The following C21orf91 variants were observed in gnomAD, a reference collection of about 807,000 sequenced individuals.
The protein encoded by C21orf91 is protein EURL homolog.
A neutral mutation model predicts 32.9 loss-of-function variants in C21orf91; 26 were observed. The observed-to-expected ratio is 0.79, with a 90% CI of 0.58 to 1.10. C21orf91 has a LOEUF of 1.10. Among genes scored for constraint, C21orf91 ranks in the 50% least tolerant of loss-of-function variants. The probability of loss-of-function intolerance (pLI) is 0.00; values close to 1 mark genes in which losing one functional copy is unlikely to be tolerated. For synonymous variants in C21orf91, 126 were observed against 120.4 expected, an observed-to-expected ratio of 1.05 and a Z score of -0.31; for missense variants, 310 against 341.3, an observed-to-expected ratio of 0.91 and a Z score of 0.72.
chr21:17,798,721 C>T (rs919179857), intron 2 of C21orf91, among the ~76,000 whole-genome samples: 4 of 152,146 alleles, frequency 2.6e-5, no homozygotes, highest in African/African-American at 9.7e-5. Flanking sequence ...ATAGAGTATA[C>T]ATCTTTAAAA....
At chr21:17,812,160 T>C (rs1270982266) in intron 2 of C21orf91, among the ~76,000 whole-genome samples, 1 of 152,158 alleles carries the variant, frequency 6.6e-6, no homozygotes, top group East Asian at 1.9e-4. Flanking sequence ...GTTTCAATGA[T>C]TTTTCTTTAA....
rs1014336344 is a variant in C21orf91 at position 17,791,682 on chromosome 21, G to C, written c.*1733C>G. 1 of 152,130 alleles carries C rather than the reference G, an allele frequency of 6.6e-6. No individual in the cohort carries two copies. 9.4% of individuals were successfully genotyped at this position (152,130 alleles called of 1,614,324 possible). On this transcript the variant is annotated 3_prime_UTR_variant, in exon 5 of 5. Transcript: ENST00000284881. ...ATCAGGAAATGTATTTACCCAGCTT[G>C]TAAGTTTGAATATTTTGATATTGCA...
chr21:17,813,754 C>T (rs1012852565), intron 2 of C21orf91: 4 of 152,200 alleles, frequency 2.6e-5, no homozygotes, highest in African/African-American at 9.6e-5. Flanking sequence ...ATGAGCATCT[C>T]CTTTGAGCAT....
At chr21:17,811,561 A>G (rs2062632460) in intron 2 of C21orf91, 2 of 152,164 alleles carry the variant, frequency 1.3e-5, no homozygotes, top group African/African-American at 2.4e-5. Context: ...TCGTTTCTGG[A>G]GAGGTGATGT....
In C21orf91 at chr21:17,817,028, A is replaced by C. The variant is rs78104899; in HGVS notation, c.127+1164T>G. On this transcript the variant is annotated intron_variant, in intron 2 of 4. Coordinates refer to ENST00000284881, the MANE Select transcript of C21orf91 (RefSeq NM_001100420.2). ...GAGATGGGGTCTTGCTATGTTGCCC[A>C]AACTGGACTTGAACTCCTAGGCTCA... Among the ~76,000 whole-genome samples, 378 of 152,290 alleles carry C rather than the reference A, an allele frequency of 2.5e-3. 10 individuals are homozygous for C. In the East Asian group the frequency reaches 0.068, roughly 27 times the overall value.
chr21:17,816,023 C>T (rs111463714), intron 2 of C21orf91, among the ~76,000 whole-genome samples: 3,825 of 152,162 alleles, frequency 0.025, 72 homozygotes, highest in Non-Finnish European at 0.036. Flanking sequence ...AATGAAAATG[C>T]GTATTTGTGA....
intron 2 of C21orf91, among the ~76,000 whole-genome samples, chr21:17,800,513 A>G (rs763135591): frequency 1.3e-5 from 2 of 152,204 alleles, no homozygotes; most frequent in South Asian, 4.1e-4. Flanking sequence ...AACCATTGCT[A>G]TTTCAAGAGA....
chr21:17,800,882 T>A (rs908626111), intron 2 of C21orf91, among the ~76,000 whole-genome samples: 1 of 152,160 alleles, frequency 6.6e-6, no homozygotes, highest in Non-Finnish European at 1.5e-5. Flanking sequence ...TATTTTTTTT[T>A]AAAGTATGGG....
Position 17,818,526 on chromosome 21 carries a change from C to T in C21orf91, c.-7-201G>A, listed in dbSNP as rs77135606. ...GACACAAAGCTAGTAAAACTTAAAG[C>T]CAGGCCATAGGTGACACTATGTCCG... On this transcript the variant is annotated intron_variant, in intron 1 of 4. Transcript: ENST00000284881. Among the ~76,000 whole-genome samples, 374 of 152,336 alleles carry T rather than the reference C, an allele frequency of 2.5e-3. 10 individuals are homozygous for T. The East Asian group carries it at 0.068, about 28-fold the overall frequency.
chr21:17,803,832 T>C (rs1425232980), intron 2 of C21orf91, among the ~76,000 whole-genome samples: 2 of 152,138 alleles, frequency 1.3e-5, no homozygotes, highest in East Asian at 1.9e-4. Context: ...GCCCTGTGGG[T>C]AGAAGTGGCA....
intron 2 of C21orf91, 120 bp downstream of exon 2, chr21:17,818,072 C>T (rs542461553): frequency 1.6e-6 from 1 of 628,716 alleles, no homozygotes; most frequent in Admixed American, 2.9e-5. Context: ...CAAATCTCTA[C>T]ACTATTCATA....
At chr21:17,803,824 C>T (rs1166176969) in intron 2 of C21orf91, among the ~76,000 whole-genome samples, 1 of 152,046 alleles carries the variant, frequency 6.6e-6, no homozygotes, top group Non-Finnish European at 1.5e-5. Flanking sequence ...AAGGAAAAGC[C>T]CTGTGGGTAG....
In C21orf91 at chr21:17,791,133, A is replaced by G. The variant is rs1437274094; in HGVS notation, c.*2282T>C. On this transcript the variant is annotated 3_prime_UTR_variant, in exon 5 of 5. Coordinates refer to ENST00000284881, the MANE Select transcript of C21orf91 (RefSeq NM_001100420.2). The stretch of plus-strand genomic sequence containing the variant: ...TACACAGTAATTGCATATTTGATTA[A>G]GAAAACTAACATAGGACTAAATTAT... 1 of 152,164 alleles carries G rather than the reference A, an allele frequency of 6.6e-6. No homozygotes were observed. Among genetic ancestry groups the G allele is most frequent in the Non-Finnish European group, 1.5e-5 (1 of 67,972 alleles). 9.4% of individuals were successfully genotyped at this position (152,164 alleles called of 1,614,324 possible).
At chr21:17,801,629 GA>G (rs1188097183) in intron 2 of C21orf91, among the ~76,000 whole-genome samples, 1 of 135,836 alleles carries the variant, frequency 7.4e-6, no homozygotes, top group Non-Finnish European at 1.5e-5. Flanking sequence ...ACATGGAAAG[GA>G]ACATAACACA....
Position 17,793,319 on chromosome 21 carries a change from T to A in C21orf91, c.*96A>T. On this transcript the variant is annotated 3_prime_UTR_variant, in exon 5 of 5. Transcript: ENST00000284881. The stretch of plus-strand genomic sequence containing the variant: ...TTATGTTTGGCAAATTTAATGACCA[T>A]AAAAAAACGGACCACAACTTTCTTC... The A allele has an allele frequency of 2.1e-6, 2 of 931,648 alleles. No individual in the cohort carries two copies. The highest frequency in any genetic ancestry group is 3.1e-6 in the Non-Finnish European group (2 of 649,044). The allele number at this position is 931,648 out of a possible 1,614,324, so 57.7% of individuals were successfully genotyped here. A position where few individuals can be genotyped will look rare whatever the true frequency, so the allele number is the denominator to read the frequency against.
Position 17,793,470 on chromosome 21 carries a change from G to C in C21orf91, c.839C>G (p.Pro280Arg). The change falls in exon 5 of 5, where the codon CCA (proline) becomes CGA (arginine). Residue 280 changes from proline to arginine, a missense_variant. Pro to Arg is a moderately radical substitution (Grantham distance 103). Transcript: ENST00000284881. ...EQLLKNCSKL[P>R]CLQVGRTGMK... ...TCCTGTTCGCCCTACTTGCAGACAT[G>C]GTAACTTAGAACAGTTCTTCAGAAG... is the stretch of plus-strand genomic sequence containing the variant. 1 of 1,613,298 alleles carries C rather than the reference G, an allele frequency of 6.2e-7. No homozygotes were observed. Among genetic ancestry groups the C allele is most frequent in the South Asian group, 1.1e-5 (1 of 90,982 alleles).
intron 2 of C21orf91, among the ~76,000 whole-genome samples, chr21:17,817,025 C>T (rs1032458207): frequency 6.6e-6 from 1 of 152,040 alleles, no homozygotes; most frequent in Admixed American, 6.5e-5. Flanking sequence ...TGCTATGTTG[C>T]CCAAACTGGA....
At chr21:17,803,322 A>T (rs1455172311) in intron 2 of C21orf91, among the ~76,000 whole-genome samples, 2 of 152,152 alleles carry the variant, frequency 1.3e-5, no homozygotes, top group Non-Finnish European at 2.9e-5. Context: ...GGAATTTGAG[A>T]GTCGTCTGGG....
At position 17,795,252 on chromosome 21, in the gene C21orf91, C is replaced by T. The variant is rs1259568156; in HGVS notation, c.683G>A (p.Gly228Asp). ...SREELNSMTL[G>D]EVEQLNAKLL... is the part of the protein sequence containing the mutation. ...CTTTGCATTCAGTTGCTCTACCTCA[C>T]CAAGAGTCATCGAATTCACTGAAAC... Residue 228 changes from glycine to aspartate, a missense_variant, in exon 4 of 5, where the codon GGT becomes GAT. Gly to Asp is a moderately conservative substitution (Grantham distance 94). Coordinates refer to ENST00000284881, the MANE Select transcript of C21orf91 (RefSeq NM_001100420.2). The T allele has an allele frequency of 1.9e-6, 3 of 1,609,826 alleles. No homozygotes were observed. Among genetic ancestry groups the T allele is most frequent in the African/African-American group, 2.7e-5 (2 of 74,812 alleles).
Sources: allele counts gnomAD v4.1 joint callset (sites outside exome capture counted in the v4.1 genomes callset), GRCh38; gene constraint gnomAD v4.1.1; transcripts MANE v1.5; gene names NCBI Gene and HGNC (gene_info 2026-07-23, HGNC 2026-07-21).